The following DMD variants were observed in gnomAD, a reference collection of about 807,000 sequenced individuals.
DMD encodes dystrophin.
In DMD, 63 loss-of-function variants were observed where a neutral mutation model predicts 330.1. That is an observed-to-expected ratio of 0.19 (90% CI 0.16 to 0.24). The LOEUF (loss-of-function observed/expected upper bound fraction) is 0.24, where lower values mean the gene tolerates loss of function less well. Ranked by LOEUF, DMD falls within the 10% of genes least tolerant of loss-of-function variation. The pLI is 1.00. For missense variants in DMD, 3,344 were observed against 2,684.1 expected, an observed-to-expected ratio of 1.25 and a Z score of -5.43; for synonymous variants, 1,223 against 959.8, an observed-to-expected ratio of 1.27 and a Z score of -5.07.
chrX:32,724,265 GGT>G (rs2066633522), intron 7 of DMD, among the ~76,000 whole-genome samples: 1 of 111,154 alleles, frequency 9.0e-6, no homozygotes, highest in Non-Finnish European at 1.9e-5. Context: ...AACTAAACGA[GGT>G]GAATAAAATA....
intron 2 of DMD, among the ~76,000 whole-genome samples, chrX:32,986,072 TA>T (rs1423836085): frequency 1.8e-5 from 2 of 112,021 alleles, no homozygotes; most frequent in African/African-American, 6.5e-5. Flanking sequence ...TCCCTCTCTG[TA>T]AAATGGAGAT....
chrX:31,516,488 G>A (rs2072218321), intron 55 of DMD, among the ~76,000 whole-genome samples: 1 of 111,043 alleles, frequency 9.0e-6, no homozygotes, highest in Non-Finnish European at 1.9e-5. Flanking sequence ...ATGTGGCCAC[G>A]CAACACCTTT....
chrX:33,189,031 T>C (rs577413003), intron 1 of DMD, among the ~76,000 whole-genome samples: 72 of 111,906 alleles, frequency 6.4e-4, no homozygotes, highest in African/African-American at 2.2e-3. Flanking sequence ...TGGTATTTTG[T>C]TATGGCAATG....
chrX:31,901,083 G>A (rs1470394342), intron 47 of DMD, among the ~76,000 whole-genome samples: 1 of 111,378 alleles, frequency 9.0e-6, no homozygotes, highest in East Asian at 2.8e-4. Flanking sequence ...ACCATTTACT[G>A]GGGGAAAATA....
At chrX:31,423,454 A>G (rs1293338228) in intron 60 of DMD, among the ~76,000 whole-genome samples, 1 of 111,936 alleles carries the variant, frequency 8.9e-6, no homozygotes, top group Non-Finnish European at 1.9e-5. Context: ...TGATGTGATT[A>G]TAAGAAACAA....
At chrX:32,556,652 T>G (rs1465853032) in intron 16 of DMD, among the ~76,000 whole-genome samples, 1 of 111,972 alleles carries the variant, frequency 8.9e-6, no homozygotes, top group Non-Finnish European at 1.9e-5. Context: ...TCAAACTTCT[T>G]TTCTTCATAA....
At chrX:31,416,494 T>C (rs1457295715) in intron 60 of DMD, among the ~76,000 whole-genome samples, 3 of 112,359 alleles carry the variant, frequency 2.7e-5, no homozygotes, top group Non-Finnish European at 5.6e-5. Flanking sequence ...TATCCAACCA[T>C]TGGCTTAGGA....
intron 11 of DMD, among the ~76,000 whole-genome samples, chrX:32,631,412 T>G (rs1317492000): frequency 2.7e-5 from 3 of 112,013 alleles, no homozygotes; most frequent in Admixed American, 1.9e-4. Context: ...TGTTTTTCAC[T>G]TCAGGGTAGC....
chrX:31,170,364 G>A (rs2039870417), intron 73 of DMD, among the ~76,000 whole-genome samples: 1 of 110,519 alleles, frequency 9.0e-6, no homozygotes, highest in African/African-American at 3.3e-5. Flanking sequence ...CTTCTATTTG[G>A]GGAGGCAGCT....
chrX:31,596,089 CT>C (rs943604439), intron 55 of DMD, among the ~76,000 whole-genome samples: 1 of 111,144 alleles, frequency 9.0e-6, no homozygotes, highest in East Asian at 2.8e-4. Context: ...TTGGTTTCTC[CT>C]TTTTTTGTGG....
chrX:33,063,135 A>T (rs2094602740), intron 1 of DMD, among the ~76,000 whole-genome samples: 1 of 111,838 alleles, frequency 8.9e-6, no homozygotes, highest in Non-Finnish European at 1.9e-5. Flanking sequence ...AAAGTCATTA[A>T]TATTGACCTA....
At chrX:31,528,000 T>C (rs1204091989) in intron 55 of DMD, among the ~76,000 whole-genome samples, 1 of 110,712 alleles carries the variant, frequency 9.0e-6, no homozygotes, top group Non-Finnish European at 1.9e-5. Context: ...CTACTTGCAA[T>C]ATCTTCCTTT....
intron 19 of DMD, among the ~76,000 whole-genome samples, chrX:32,494,318 C>T (rs1396590308): frequency 9.0e-6 from 1 of 111,202 alleles, no homozygotes; most frequent in Non-Finnish European, 1.9e-5. Flanking sequence ...TATTTATTTG[C>T]ATATTGATCT....
At chrX:31,380,804 T>A (rs993596340) in intron 60 of DMD, among the ~76,000 whole-genome samples, 46 of 110,401 alleles carry the variant, frequency 4.2e-4, no homozygotes, top group Non-Finnish European at 7.7e-4. Flanking sequence ...TCTCTTCACT[T>A]TCACTTGGAC....
chrX:32,507,306 G>T (rs761399107), intron 18 of DMD, among the ~76,000 whole-genome samples: 1 of 111,462 alleles, frequency 9.0e-6, no homozygotes, highest in African/African-American at 3.3e-5. Context: ...TATCAGAGGG[G>T]TTTCTATTTT....
intron 60 of DMD, among the ~76,000 whole-genome samples, chrX:31,424,088 C>T (rs1455708437): frequency 9.0e-6 from 1 of 110,737 alleles, no homozygotes; most frequent in African/African-American, 3.3e-5. Context: ...GTAAATGCCC[C>T]CTCTGCTGGC....
At chrX:33,145,381 C>A (rs758500643) in intron 1 of DMD, among the ~76,000 whole-genome samples, 2 of 111,521 alleles carry the variant, frequency 1.8e-5, no homozygotes, top group African/African-American at 3.3e-5. Context: ...GAATAACTAC[C>A]CAATCACTCA....
chrX:33,323,603 T>A (rs898335704), intron 1 of DMD, among the ~76,000 whole-genome samples: 9 of 111,567 alleles, frequency 8.1e-5, no homozygotes, highest in South Asian at 3.7e-4. Context: ...ATGAGATTTT[T>A]AAAAAAATGT....
chrX:31,340,602 A>G (rs2057676510), intron 61 of DMD, among the ~76,000 whole-genome samples: 1 of 112,036 alleles, frequency 8.9e-6, no homozygotes, highest in South Asian at 3.7e-4. Flanking sequence ...CCCTTAATGT[A>G]TTACATGGTA....
Sources: allele counts gnomAD v4.1 joint callset (sites outside exome capture counted in the v4.1 genomes callset), GRCh38; gene constraint gnomAD v4.1.1; transcripts MANE v1.5; gene names NCBI Gene and HGNC (gene_info 2026-07-23, HGNC 2026-07-21).